The following ZDHHC17 variants were observed in gnomAD, a reference collection of about 807,000 sequenced individuals.
ZDHHC17 encodes the protein zDHHC palmitoyltransferase 17.
Under a neutral mutation model 90.3 loss-of-function variants are expected in ZDHHC17, and 40 were observed. That is an observed-to-expected ratio of 0.44 (90% confidence interval 0.34 to 0.58). The LOEUF (loss-of-function observed/expected upper bound fraction) is 0.58, where lower values mean the gene tolerates loss of function less well. Ranked by LOEUF, ZDHHC17 falls within the 20% of genes least tolerant of loss-of-function variation. ZDHHC17 has a pLI of 0.01. For missense variants in ZDHHC17, 614 were observed against 780.8 expected (o/e 0.79, Z 2.55); for synonymous variants, 235 against 252.4 (o/e 0.93, Z 0.65).
intron 7 of ZDHHC17, 81 bp from the exon 8 acceptor site, chr12:76,822,325 T>G: frequency 6.5e-7 from 1 of 1,535,760 alleles, no homozygotes; most frequent in South Asian, 1.2e-5. Flanking sequence ...GTAAATTAAT[T>G]TTTATAGAAG....
At chr12:76,819,288 T>G (rs529290375) in intron 7 of ZDHHC17, among the ~76,000 whole-genome samples, 1 of 152,214 alleles carries the variant, frequency 6.6e-6, no homozygotes, top group Admixed American at 6.5e-5. Context: ...CTTAAATTGC[T>G]GCCAATTTTG....
At chr12:76,814,201 G>C (rs776033632) in intron 5 of ZDHHC17, among the ~76,000 whole-genome samples, 2 of 151,968 alleles carry the variant, frequency 1.3e-5, no homozygotes, top group East Asian at 3.9e-4. Context: ...TCTTGCGCAA[G>C]GAGAATTAGA....
chr12:76,792,312 T>A (rs961707622), intron 1 of ZDHHC17, among the ~76,000 whole-genome samples: 1 of 152,156 alleles, frequency 6.6e-6, no homozygotes, highest in African/African-American at 2.4e-5. Flanking sequence ...CAAAGACGGA[T>A]TACACTTATA....
intron 15 of ZDHHC17, 104 bp downstream of exon 15, chr12:76,848,494 T>G: frequency 8.3e-7 from 1 of 1,199,676 alleles, no homozygotes; most frequent in African/African-American, 1.5e-5. Flanking sequence ...GCTCTTCAAA[T>G]ATTCATTTTA....
At chr12:76,808,639 CA>C (rs1343534862) in intron 3 of ZDHHC17, among the ~76,000 whole-genome samples, 1 of 152,114 alleles carries the variant, frequency 6.6e-6, no homozygotes, top group Non-Finnish European at 1.5e-5. Context: ...ATTTAATCTA[CA>C]GTAATCTTAA....
intron 10 of ZDHHC17, among the ~76,000 whole-genome samples, chr12:76,829,258 C>G (rs1027884177): frequency 6.6e-5 from 10 of 151,734 alleles, no homozygotes; most frequent in Non-Finnish European, 1.5e-4. Context: ...GGAGTTTGAA[C>G]CAAGACTGGC....
intron 5 of ZDHHC17, among the ~76,000 whole-genome samples, chr12:76,810,999 A>G (rs771231743): frequency 6.6e-6 from 1 of 152,168 alleles, no homozygotes; most frequent in Non-Finnish European, 1.5e-5. Flanking sequence ...ATACCAGTCC[A>G]TGTGGTCTTT....
intron 1 of ZDHHC17, among the ~76,000 whole-genome samples, chr12:76,772,142 CAG>C (rs1484246086): frequency 6.6e-6 from 1 of 152,130 alleles, no homozygotes; most frequent in African/African-American, 2.4e-5. Flanking sequence ...AATGAGGAAA[CAG>C]AGGTATAGAG....
chr12:76,810,359 A>T (rs1227037207), intron 5 of ZDHHC17, among the ~76,000 whole-genome samples: 1 of 152,144 alleles, frequency 6.6e-6, no homozygotes, highest in Non-Finnish European at 1.5e-5. Flanking sequence ...AATCACATTA[A>T]ATATTACCAG....
rs763582982 is a variant in ZDHHC17, at chr12:76,822,420, T to C, written c.786T>C (p.Leu262=). 2 of 1,613,860 alleles carry C rather than the reference T, an allele frequency of 1.2e-6. No homozygotes were observed. Among genetic ancestry groups the C allele is most frequent in the Non-Finnish European group, 1.7e-6 (2 of 1,179,832 alleles). The stretch of plus-strand genomic sequence containing the variant: ...TATATTATCAGGGCGAATCAGCGCT[T>C]GATTTGGCAAAACAGAGAAAAAATG... The part of the protein sequence containing the change: ...DAQNIKGESA[L]DLAKQRKNVW... Residue 262 remains leucine, a synonymous_variant, in exon 8 of 17, where the codon CTT becomes CTC. Transcript: ENST00000426126.
intron 1 of ZDHHC17, among the ~76,000 whole-genome samples, chr12:76,779,831 T>A (rs1163221297): frequency 6.6e-6 from 1 of 152,188 alleles, no homozygotes; most frequent in Non-Finnish European, 1.5e-5. Context: ...TAATTTTGAG[T>A]TAATTTTTGT....
At chr12:76,780,927 C>G (rs1248236034) in intron 1 of ZDHHC17, among the ~76,000 whole-genome samples, 1 of 151,482 alleles carries the variant, frequency 6.6e-6, no homozygotes, top group African/African-American at 2.4e-5. Context: ...CGAGACCATC[C>G]TCATCCTGGC....
At chr12:76,781,637 T>G (rs1382586007) in intron 1 of ZDHHC17, 1 of 455,976 alleles carries the variant, frequency 2.2e-6, no homozygotes, top group Non-Finnish European at 4.4e-6. Context: ...AGAATGGCCT[T>G]GCCAGATGTG....
intron 10 of ZDHHC17, among the ~76,000 whole-genome samples, chr12:76,837,835 T>C (rs905371651): frequency 4.6e-5 from 7 of 152,122 alleles, no homozygotes; most frequent in African/African-American, 1.4e-4. Context: ...TATTATTTTT[T>C]GAGATGGAGG....
intron 7 of ZDHHC17, among the ~76,000 whole-genome samples, chr12:76,820,155 C>G (rs1459077444): frequency 2.0e-5 from 3 of 151,616 alleles, no homozygotes; most frequent in African/African-American, 4.8e-5. Flanking sequence ...GTCCATGGAC[C>G]CCTGAAATTG....
intron 14 of ZDHHC17, 136 bp from the exon 15 acceptor site, chr12:76,848,097 A>G: frequency 1.2e-6 from 1 of 822,056 alleles, no homozygotes; most frequent in Non-Finnish European, 1.9e-6. Context: ...AAGAGTATAA[A>G]GACATTTGCT....
rs770629228 is a variant in ZDHHC17 at position 76,764,347 on chromosome 12, G to T, written c.93+18G>T. 8 of 1,569,074 alleles carry T rather than the reference G, an allele frequency of 5.1e-6. No homozygotes were observed. The East Asian group carries it at 1.9e-4, about 37-fold the overall frequency. The stretch of plus-strand genomic sequence containing the variant: ...ACCCAGAGGTGAGGAACCGTGCTGA[G>T]TGGATTCCTTGCCCTGCGGCCCTCC... On this transcript the variant is annotated intron_variant, in intron 1 of 16. Transcript: ENST00000426126.
chr12:76,782,850 A>AG (rs2137725838), intron 1 of ZDHHC17, among the ~76,000 whole-genome samples: 1 of 152,114 alleles, frequency 6.6e-6, no homozygotes, highest in East Asian at 1.9e-4. Context: ...AAGCAGAATG[A>AG]GGGGTAGTCA....
intron 1 of ZDHHC17, among the ~76,000 whole-genome samples, chr12:76,790,571 A>G (rs559930355): frequency 6.6e-6 from 1 of 152,322 alleles, no homozygotes; most frequent in African/African-American, 2.4e-5. Flanking sequence ...ACAATACGAT[A>G]CATATATTGT....
Sources: allele counts gnomAD v4.1 joint callset (sites outside exome capture counted in the v4.1 genomes callset), GRCh38; gene constraint gnomAD v4.1.1; transcripts MANE v1.5; gene names NCBI Gene and HGNC (gene_info 2026-07-23, HGNC 2026-07-21).